ARL8A: variants seen among roughly 807,000 people sequenced by gnomAD.
ARL8A encodes the protein ADP-ribosylation factor-like protein 8A.
Under a neutral mutation model 31.2 loss-of-function variants are expected in ARL8A, and 10 were observed. That is an observed-to-expected ratio of 0.32 (90% CI 0.20 to 0.54). ARL8A has a LOEUF of 0.54. Ranked by LOEUF, ARL8A falls within the 20% of genes least tolerant of loss-of-function variation. ARL8A has a pLI of 0.93. For synonymous variants in ARL8A, 70 were observed against 86.9 expected, an observed-to-expected ratio of 0.81 and a Z score of 1.08; for missense variants, 129 against 242.8, an observed-to-expected ratio of 0.53 and a Z score of 3.12.
chr1:202,140,834 G>A (rs1015239247), intron 1 of ARL8A, among the ~76,000 whole-genome samples: 2 of 152,156 alleles, frequency 1.3e-5, no homozygotes, highest in Non-Finnish European at 2.9e-5. Flanking sequence ...TCTGAGGAAG[G>A]AGGCCCAGTT....
At position 202,144,710 on chromosome 1, in the gene ARL8A, C is replaced by T. The variant is rs1230745002; in HGVS notation, c.-138G>A. On this transcript the variant is annotated 5_prime_UTR_variant, in exon 1 of 7. Coordinates refer to ENST00000272217, the MANE Select transcript of ARL8A (RefSeq NM_138795.4). The surrounding 1 kb of genome is among the most constrained non-coding windows in gnomAD (Gnocchi z 5.2). ...CGGGCGGAGGCTCGAGCGCGGCTGC[C>T]GACGACTCGCTGCCCCGGAATCGGC... 5.6e-6 allele frequency: 5 copies of T among 899,330 alleles called. No individual in the cohort carries two copies. In the East Asian group the frequency reaches 4.5e-4, roughly 81 times the overall value. The allele number at this position is 899,330 out of a possible 1,614,324, so 55.7% of individuals were successfully genotyped here. A position where few individuals can be genotyped will look rare whatever the true frequency, so the allele number is the denominator to read the frequency against.
intron 1 of ARL8A, among the ~76,000 whole-genome samples, chr1:202,140,991 C>T (rs866552971): frequency 1.3e-5 from 2 of 152,238 alleles, no homozygotes; most frequent in South Asian, 2.1e-4. Context: ...GAAATGGTTT[C>T]GATATAGCAT....
Position 202,135,799 on chromosome 1 carries a change from AC to A in ARL8A, c.279del (p.Tyr94ThrfsTer33). 6.2e-7 allele frequency: 1 copy of A among 1,613,666 alleles called. No homozygotes were observed. Among genetic ancestry groups the A allele is most frequent in the Non-Finnish European group, 8.5e-7 (1 of 1,179,626 alleles). On this transcript the variant is annotated frameshift_variant and splice_region_variant, in exon 4 of 7. Transcript: ENST00000272217. LOFTEE classifies it high-confidence loss of function. The surrounding 1 kb of genome is among the most constrained non-coding windows in gnomAD (Gnocchi z 5.3). ...ERYCRGVSAI[V>X]YMVDAADQEK... ...TCCTGGTCAGCAGCATCCACCATGT[AC>A]CTGGGGAAAGAGGCAGGGTGGGGAC...
Position 202,144,350 on chromosome 1 carries a change from A to C in ARL8A, c.123+100T>G. The C allele has an allele frequency of 1.7e-5, 13 of 786,506 alleles. No individual in the cohort carries two copies. Among genetic ancestry groups the C allele is most frequent in the Non-Finnish European group, 1.9e-5 (12 of 646,660 alleles). The allele number at this position is 786,506 out of a possible 1,614,324, so 48.7% of individuals were successfully genotyped here. On this transcript the variant is annotated intron_variant, in intron 1 of 6. Transcript: ENST00000272217. The surrounding 1 kb of genome is among the most constrained non-coding windows in gnomAD (Gnocchi z 5.2). ...GCCCGGCGCCCGGCCGTGCCCGGCTATGCCAGGCGGCGACCCCGGCTCAGC... is the reference window on the plus strand; with the variant it reads ...GCCCGGCGCCCGGCCGTGCCCGGCTCTGCCAGGCGGCGACCCCGGCTCAGC...
intron 3 of ARL8A, 132 bp downstream of exon 3, chr1:202,137,833 C>T: frequency 1.0e-6 from 1 of 960,278 alleles, no homozygotes; most frequent in Non-Finnish European, 1.6e-6. Flanking sequence ...TAAACGCAGG[C>T]CCTGGACCGA....
At position 202,135,719 on chromosome 1, in the gene ARL8A, C is replaced by A. The variant is rs1203144711; in HGVS notation, c.360G>T (p.Leu120=). The change falls in exon 4 of 7, where the codon CTG becomes CTT. Residue 120 remains leucine (L), a synonymous_variant. Coordinates refer to ENST00000272217, the MANE Select transcript of ARL8A (RefSeq NM_138795.4). This position sits in a 1 kb window ranked among gnomAD's most constrained non-coding sequence, Gnocchi z 5.3. The part of the protein sequence containing the change: ...ELHNLLDKPQ[L]QGIPVLVLGN... ...CAGGTCTGCTGACCGGGATGCCCTG[C>A]AGCTGAGGTTTGTCCAGTAGGTTGT... 2 of 1,613,926 alleles carry A rather than the reference C, an allele frequency of 1.2e-6. No homozygotes were observed. Among genetic ancestry groups the A allele is most frequent in the East Asian group, 2.2e-5 (1 of 44,892 alleles).
At chr1:202,143,063 G>C (rs1222852228) in intron 1 of ARL8A, among the ~76,000 whole-genome samples, 1 of 152,308 alleles carries the variant, frequency 6.6e-6, no homozygotes, top group East Asian at 1.9e-4. Flanking sequence ...CAGAGCCCAG[G>C]GGTGTTAGCT....
rs1217584250 is a variant in ARL8A, at chr1:202,135,365, T to C, written c.440+94A>G. 3 of 1,515,856 alleles carry C rather than the reference T, an allele frequency of 2.0e-6. No homozygotes were observed. Among genetic ancestry groups the C allele is most frequent in the African/African-American group, 1.4e-5 (1 of 72,636 alleles). The allele number at this position is 1,515,856 out of a possible 1,614,324, so 93.9% of individuals were successfully genotyped here. On this transcript the variant is annotated intron_variant, in intron 5 of 6. Coordinates refer to ENST00000272217, the MANE Select transcript of ARL8A (RefSeq NM_138795.4). The surrounding 1 kb of genome is among the most constrained non-coding windows in gnomAD (Gnocchi z 5.3). ...AAAGGTCGGCTCTGCTGCCACCGTGTGGCTAATACTAAGAACAGCAGCAAG... is the reference window on the plus strand; with the variant it reads ...AAAGGTCGGCTCTGCTGCCACCGTGCGGCTAATACTAAGAACAGCAGCAAG...
In ARL8A at chr1:202,135,292, G is replaced by T; in HGVS notation, c.441-72C>A. On this transcript the variant is annotated intron_variant, in intron 5 of 6. Coordinates refer to ENST00000272217, the MANE Select transcript of ARL8A (RefSeq NM_138795.4). This position sits in a 1 kb window ranked among gnomAD's most constrained non-coding sequence, Gnocchi z 5.3. Reference sequence around the variant, plus strand: ...GGGCCTGGGGCTAGGGGACAGCGGGGCCTTTTTCTTACCTAAGAGGCTACA... The same window carrying T: ...GGGCCTGGGGCTAGGGGACAGCGGGTCCTTTTTCTTACCTAAGAGGCTACA... 1.3e-6 allele frequency: 2 copies of T among 1,520,612 alleles called. No homozygotes were observed. Among genetic ancestry groups the T allele is most frequent in the South Asian group, 1.1e-5 (1 of 88,990 alleles). The allele number at this position is 1,520,612 out of a possible 1,614,324, so 94.2% of individuals were successfully genotyped here.
Position 202,138,326 on chromosome 1 carries a change from C to CACACACAA in ARL8A, c.204+41_204+42insTTGTGTGT, listed in dbSNP as rs1553316578. 6.6e-7 allele frequency: 1 copy of CACACACAA among 1,504,080 alleles called. No individual in the cohort carries two copies. Among genetic ancestry groups the CACACACAA allele is most frequent in the African/African-American group, 1.4e-5 (1 of 69,064 alleles). 93.2% of individuals were successfully genotyped at this position (1,504,080 alleles called of 1,614,324 possible). On this transcript the variant is annotated intron_variant, in intron 2 of 6. Transcript: ENST00000272217. This position sits in a 1 kb window ranked among gnomAD's most constrained non-coding sequence, Gnocchi z 4.4. ...ACACACACACACACACACACACACA[C>CACACACAA]AAAAACAGTCCTCTGCACCCCCCAA... is the stretch of plus-strand genomic sequence containing the variant.
Position 202,134,327 on chromosome 1 carries a change from A to G in ARL8A, c.*140T>C. The G allele has an allele frequency of 1.3e-6, 1 of 747,854 alleles. No homozygotes were observed. Among genetic ancestry groups the G allele is most frequent in the East Asian group, 2.5e-5 (1 of 39,368 alleles). The allele number at this position is 747,854 out of a possible 1,614,324, so 46.3% of individuals were successfully genotyped here. ...ACAGGAGTTCAAACCTCAGCAGAACAGGACTCTGGGGTCCCCAGAGGGCCC... is the reference window on the plus strand; with the variant it reads ...ACAGGAGTTCAAACCTCAGCAGAACGGGACTCTGGGGTCCCCAGAGGGCCC... On this transcript the variant is annotated 3_prime_UTR_variant, in exon 7 of 7. Coordinates refer to ENST00000272217, the MANE Select transcript of ARL8A (RefSeq NM_138795.4). The surrounding 1 kb of genome is among the most constrained non-coding windows in gnomAD (Gnocchi z 4.2).
intron 1 of ARL8A, among the ~76,000 whole-genome samples, chr1:202,143,771 C>A (rs3934809): frequency 0.58 from 88,114 of 152,134 alleles, 25,672 homozygotes; most frequent in South Asian, 0.64. Flanking sequence ...CCTGCTCCTG[C>A]AAACTTCTGA....
In ARL8A at chr1:202,134,776, A is replaced by G. The variant is rs60688550; in HGVS notation, c.512-260T>C. 0.036 allele frequency among the ~76,000 whole-genome samples: 5,413 copies of G among 152,268 alleles called. 241 individuals carry two copies. The highest frequency in any genetic ancestry group is 0.14 in the East Asian group (748 of 5,172). On this transcript the variant is annotated intron_variant, in intron 6 of 6. Transcript: ENST00000272217. This position sits in a 1 kb window ranked among gnomAD's most constrained non-coding sequence, Gnocchi z 4.2. ...GGTGACAGAGCGAGACACTTTCTCA[A>G]AAACAAACAAGAAGTCCAGAGCTGG...
At chr1:202,136,655 G>A (rs531093552) in intron 3 of ARL8A, among the ~76,000 whole-genome samples, 4 of 151,980 alleles carry the variant, frequency 2.6e-5, no homozygotes, top group South Asian at 2.1e-4. Flanking sequence ...CTGCAGCCTC[G>A]GCTTCCTGGA....
Position 202,144,454 on chromosome 1 carries a change from A to G in ARL8A, c.119T>C (p.Ile40Thr). 1 of 1,438,836 alleles carries G rather than the reference A, an allele frequency of 7.0e-7. No individual in the cohort carries two copies. The highest frequency in any genetic ancestry group is 9.3e-7 in the Non-Finnish European group (1 of 1,072,872). 89.1% of individuals were successfully genotyped at this position (1,438,836 alleles called of 1,614,324 possible). Residue 40 changes from isoleucine to threonine, a missense_variant, in exon 1 of 7, where the codon ATC becomes ACC. Coordinates refer to ENST00000272217, the MANE Select transcript of ARL8A (RefSeq NM_138795.4). This position sits in a 1 kb window ranked among gnomAD's most constrained non-coding sequence, Gnocchi z 5.2. ...CCGCGCCCGACGCCCTCGTACCGCG[A>G]TCACGTTGACGAAGGTGGTCTTGCC... ...YSGKTTFVNV[I>T]ASGQFNEDMI...
chr1:202,136,757 T>C (rs995166965), intron 3 of ARL8A, among the ~76,000 whole-genome samples: 15 of 152,288 alleles, frequency 9.8e-5, no homozygotes, highest in African/African-American at 2.2e-4. Flanking sequence ...TTTGTAGAGA[T>C]AGGGTTGCAC....
chr1:202,134,570 G>C lies in ARL8A; in HGVS notation c.512-54C>G, dbSNP rs183146460. On this transcript the variant is annotated intron_variant, in intron 6 of 6. Transcript: ENST00000272217. This position sits in a 1 kb window ranked among gnomAD's most constrained non-coding sequence, Gnocchi z 4.2. The stretch of plus-strand genomic sequence containing the variant: ...AGGCCTGCAAGTACTGGCCGTGCTG[G>C]GGCAGCAGAGAGGCCCAAGAAACCA... The C allele has an allele frequency of 1.1e-3, 1,706 of 1,542,166 alleles. 16 individuals carry two copies. The highest frequency in any genetic ancestry group is 2.0e-4 in the Non-Finnish European group (226 of 1,114,642).
Position 202,144,109 on chromosome 1 carries a change from A to C in ARL8A, c.123+341T>G, listed in dbSNP as rs1655237887. 6.6e-6 allele frequency among the ~76,000 whole-genome samples: 1 copy of C among 152,208 alleles called. No homozygotes were observed. Among genetic ancestry groups the C allele is most frequent in the South Asian group, 2.1e-4 (1 of 4,826 alleles). ...CGTCATGCCCCCTTGCGCGGGGGCC[A>C]GAGGGGGCCCGTCTCAGCCGGCAGC... On this transcript the variant is annotated intron_variant, in intron 1 of 6. Coordinates refer to ENST00000272217, the MANE Select transcript of ARL8A (RefSeq NM_138795.4). This position sits in a 1 kb window ranked among gnomAD's most constrained non-coding sequence, Gnocchi z 5.2.
Position 202,134,481 on chromosome 1 carries a change from A to G in ARL8A, c.547T>C (p.Ser183Pro). 6.2e-7 allele frequency: 1 copy of G among 1,613,542 alleles called. No homozygotes were observed. The highest frequency in any genetic ancestry group is 8.5e-7 in the Non-Finnish European group (1 of 1,179,554). The change falls in exon 7 of 7, where the codon TCA becomes CCA. Residue 183 changes from serine (S) to proline (P), a missense_variant. Coordinates refer to ENST00000272217, the MANE Select transcript of ARL8A (RefSeq NM_138795.4). This position sits in a 1 kb window ranked among gnomAD's most constrained non-coding sequence, Gnocchi z 4.2. ...TLQWLIQHSKSRRS is the reference protein window; with the variant it reads ...TLQWLIQHSKPRRS ...GGGCTGGAGTCTCAGCTTCTCCGTG[A>G]CTTCGAGTGTTGAATAAGCCACTGT...
Sources: gnomAD v4.1 joint callset for allele counts (sites outside exome capture counted in the v4.1 genomes callset) on GRCh38, gnomAD v4.1.1 for gene constraint, Gnocchi (gnomAD v3.1) non-coding constraint, MANE v1.5 for transcripts, NCBI Gene and HGNC (gene_info 2026-07-23, HGNC 2026-07-21) for gene names.